IAPP: variants seen among roughly 807,000 people sequenced by gnomAD.
IAPP encodes the protein islet amyloid polypeptide.
In IAPP, 4 loss-of-function variants were observed where a neutral mutation model predicts 2.9. The observed-to-expected ratio is 1.39, with a 90% confidence interval of 0.69 to 3.19. The LOEUF is 3.19. Ranked by LOEUF, IAPP falls within the 30% of genes most tolerant of loss-of-function variation. IAPP has a pLI of 0.01. For missense variants in IAPP, 114 were observed against 105.3 expected (o/e 1.08, Z -0.36); for synonymous variants, 40 against 42.1 (o/e 0.95, Z 0.19).
chr12:21,377,441 C>A (rs919953410), intron 2 of IAPP, among the ~76,000 whole-genome samples: 5 of 152,042 alleles, frequency 3.3e-5, no homozygotes, highest in Admixed American at 6.6e-5. Flanking sequence ...ACCCTTTTAA[C>A]AAATTTTTAA....
intron 1 of IAPP, among the ~76,000 whole-genome samples, chr12:21,361,162 G>T (rs1041097793): frequency 1.4e-5 from 1 of 70,192 alleles, no homozygotes; most frequent in African/African-American, 6.6e-5. Context: ...CACCTCATAC[G>T]GGGGATGCCC....
At position 21,373,051 on chromosome 12, in the gene IAPP, T is replaced by C. The variant is rs5482; in HGVS notation, c.-16+47T>C. 1.7e-3 allele frequency: 600 copies of C among 353,008 alleles called. 4 individuals carry two copies. The highest frequency in any genetic ancestry group is 0.012 in the African/African-American group (549 of 46,924). 21.9% of individuals were successfully genotyped at this position (353,008 alleles called of 1,614,324 possible). On this transcript the variant is annotated intron_variant, in intron 1 of 2. Coordinates refer to ENST00000240652, the MANE Select transcript of IAPP (RefSeq NM_000415.3). ...GGAAAGTTTTATTTATTTAGAGAAA[T>C]GCACACTTGGTGTTAAATTCATGGT...
At chr12:21,371,730 C>T (rs879392342), upstream of IAPP, among the ~76,000 whole-genome samples, 28 of 152,186 alleles carry the variant, frequency 1.8e-4, no homozygotes, top group South Asian at 1.7e-3. Flanking sequence ...AGGATGGGTG[C>T]GGTGGCTGAC....
chr12:21,360,047 T>G (rs1426747157), intron 1 of IAPP, among the ~76,000 whole-genome samples: 1 of 151,308 alleles, frequency 6.6e-6, no homozygotes, highest in Non-Finnish European at 1.5e-5. Flanking sequence ...AAGGAATACA[T>G]GCTATACTAT....
chr12:21,358,108 T>C (rs921290337), intron 1 of IAPP, among the ~76,000 whole-genome samples: 3 of 152,152 alleles, frequency 2.0e-5, no homozygotes, highest in African/African-American at 7.2e-5. Context: ...AGTGTTGGAA[T>C]AGGCATTTTT....
At chr12:21,368,282 G>A (rs185318843), upstream of IAPP, among the ~76,000 whole-genome samples, 19 of 152,134 alleles carry the variant, frequency 1.2e-4, no homozygotes, top group South Asian at 6.2e-4. Flanking sequence ...AGAAAGGAAC[G>A]TGTTAAATGA....
upstream of IAPP, among the ~76,000 whole-genome samples, chr12:21,370,314 T>C (rs1939683589): frequency 6.6e-6 from 1 of 151,960 alleles, no homozygotes; most frequent in Admixed American, 6.6e-5. Context: ...CCTTATAAAA[T>C]ACCAGGTCTT....
chr12:21,358,287 T>C (rs1037386803), intron 1 of IAPP, among the ~76,000 whole-genome samples: 1 of 152,206 alleles, frequency 6.6e-6, no homozygotes, highest in Non-Finnish European at 1.5e-5. Context: ...GCTTTTTACA[T>C]AGAAAATAGT....
At chr12:21,364,046 A>T (rs917956190) in intron 1 of IAPP, among the ~76,000 whole-genome samples, 1 of 152,248 alleles carries the variant, frequency 6.6e-6, no homozygotes, top group Non-Finnish European at 1.5e-5. Flanking sequence ...CAGTCATTTT[A>T]TGAGGCCAGC....
chr12:21,360,386 A>C (rs1243677237), intron 1 of IAPP, among the ~76,000 whole-genome samples: 1 of 152,256 alleles, frequency 6.6e-6, no homozygotes, highest in Non-Finnish European at 1.5e-5. Flanking sequence ...AAGGATCATC[A>C]GATATTTAAA....
At chr12:21,366,520 T>G (rs1050713553) in intron 1 of IAPP, among the ~76,000 whole-genome samples, 3 of 151,996 alleles carry the variant, frequency 2.0e-5, no homozygotes, top group Non-Finnish European at 2.9e-5. Flanking sequence ...ATTGTGCACA[T>G]GTACCCTAGA....
At chr12:21,356,448 G>T (rs917475786) in intron 1 of IAPP, among the ~76,000 whole-genome samples, 199 of 151,162 alleles carry the variant, frequency 1.3e-3, no homozygotes, top group African/African-American at 4.6e-3. Context: ...TATACCTAAA[G>T]ATAACAATAG....
At chr12:21,360,904 G>C (rs1334308652) in intron 1 of IAPP, among the ~76,000 whole-genome samples, 3 of 152,144 alleles carry the variant, frequency 2.0e-5, no homozygotes, top group Non-Finnish European at 4.4e-5. Flanking sequence ...GAACTCGGTG[G>C]AGCCCACCGC....
At chr12:21,373,462 A>G in intron 2 of IAPP, 31 bp downstream of exon 2, 2 of 1,469,452 alleles carry the variant, frequency 1.4e-6, no homozygotes, top group Non-Finnish European at 1.9e-6. Context: ...GTTTCTTTGT[A>G]ACTTTTGTAA....
Position 21,374,823 on chromosome 12 carries a change from C to G in IAPP, c.80+1392C>G, listed in dbSNP as rs183809794. On this transcript the variant is annotated intron_variant, in intron 2 of 2. Coordinates refer to ENST00000240652, the MANE Select transcript of IAPP (RefSeq NM_000415.3). Reference sequence around the variant, plus strand: ...TTTATTTTATTTTGAGACAGGGTCTCTCTCTCTCTCTCTCTCTGTCTCTGT... The same window carrying G: ...TTTATTTTATTTTGAGACAGGGTCTGTCTCTCTCTCTCTCTCTGTCTCTGT... Among the ~76,000 whole-genome samples the G allele has an allele frequency of 3.3e-5, 5 of 151,138 alleles. No homozygotes were observed. The East Asian group carries it at 9.7e-4, about 29-fold the overall frequency.
intron 1 of IAPP, among the ~76,000 whole-genome samples, chr12:21,367,689 T>G (rs1939493853): frequency 6.6e-6 from 1 of 151,648 alleles, no homozygotes; most frequent in South Asian, 2.1e-4. Context: ...AGCATTTAGG[T>G]TGTTATAAAA....
intron 1 of IAPP, among the ~76,000 whole-genome samples, chr12:21,363,630 CA>C (rs1939121442): frequency 6.6e-6 from 1 of 151,992 alleles, no homozygotes. Context: ...AAAAGATGAA[CA>C]AAATTGATAG....
At chr12:21,376,866 T>G (rs1286314898) in intron 2 of IAPP, among the ~76,000 whole-genome samples, 2 of 152,118 alleles carry the variant, frequency 1.3e-5, no homozygotes, top group Non-Finnish European at 2.9e-5. Context: ...CCATTTACCC[T>G]AAGTTTCACC....
In IAPP at chr12:21,379,679, A is replaced by C. The variant is rs1290978995; in HGVS notation, c.*1253A>C. The C allele has an allele frequency of 2.0e-5, 3 of 152,230 alleles. No individual in the cohort carries two copies. The highest frequency in any genetic ancestry group is 7.2e-5 in the African/African-American group (3 of 41,464). The allele number at this position is 152,230 out of a possible 1,614,324, so 9.4% of individuals were successfully genotyped here. A position where few individuals can be genotyped will look rare whatever the true frequency, so the allele number is the denominator to read the frequency against. On this transcript the variant is annotated 3_prime_UTR_variant, in exon 3 of 3. Coordinates refer to ENST00000240652, the MANE Select transcript of IAPP (RefSeq NM_000415.3). ...GTTAGGTAGCTTTGGAAGTAGCATT[A>C]ATTCAGATAAACTGCCATCATGCTG...
Sources: allele counts gnomAD v4.1 joint callset (sites outside exome capture counted in the v4.1 genomes callset), GRCh38; gene constraint gnomAD v4.1.1; transcripts MANE v1.5; gene names NCBI Gene and HGNC (gene_info 2026-07-23, HGNC 2026-07-21).